The following EPHA4 variants were observed in gnomAD, a reference collection of about 807,000 sequenced individuals.
EPHA4 encodes ephrin type-A receptor 4.
Under a neutral mutation model 108.3 loss-of-function variants are expected in EPHA4, and 19 were observed. The ratio of observed to expected loss-of-function variants is 0.18; its 90% CI spans 0.12 to 0.26. The LOEUF (loss-of-function observed/expected upper bound fraction) is 0.26, where lower values mean the gene tolerates loss of function less well. EPHA4 is among the 10% of genes least tolerant of loss of function. EPHA4 has a pLI of 1.00. For synonymous variants in EPHA4, 449 were observed against 455.5 expected (o/e 0.99, Z 0.18); for missense variants, 917 against 1,254.0 (o/e 0.73, Z 4.06).
At chr2:221,572,312 G>T, upstream of EPHA4, 2 of 1,445,534 alleles carry the variant, frequency 1.4e-6, no homozygotes, top group Non-Finnish European at 9.7e-7. Context: ...CTTAAGTTAG[G>T]AGAGCAGCGG....
At chr2:221,516,529 A>G (rs756020211) in intron 3 of EPHA4, among the ~76,000 whole-genome samples, 3 of 151,896 alleles carry the variant, frequency 2.0e-5, no homozygotes, top group Non-Finnish European at 2.9e-5. Flanking sequence ...TAATATTTGT[A>G]TTTTTAGTAG....
chr2:221,474,169 T>A (rs1186906571), intron 5 of EPHA4, among the ~76,000 whole-genome samples: 1 of 152,206 alleles, frequency 6.6e-6, no homozygotes, highest in African/African-American at 2.4e-5. Context: ...AAAAGTTGGA[T>A]AATTTAGTAG....
chr2:221,437,670 G>C (rs183009120), intron 11 of EPHA4, among the ~76,000 whole-genome samples: 1 of 151,602 alleles, frequency 6.6e-6, no homozygotes, highest in Non-Finnish European at 1.5e-5. Flanking sequence ...TCAGCACTTT[G>C]GGAGGCCAAG....
intron 8 of EPHA4, among the ~76,000 whole-genome samples, chr2:221,448,243 G>A (rs1574571483): frequency 6.8e-6 from 1 of 146,804 alleles, no homozygotes; most frequent in Non-Finnish European, 1.5e-5. Context: ...GAGCTGGGGT[G>A]GGGTGGGGGG....
intron 3 of EPHA4, among the ~76,000 whole-genome samples, chr2:221,518,073 A>G (rs1176046175): frequency 6.6e-6 from 1 of 152,216 alleles, no homozygotes; most frequent in Non-Finnish European, 1.5e-5. Context: ...TGAGGTCTTT[A>G]CTTTCCTGTT....
In EPHA4 at chr2:221,426,027, C is replaced by T; in HGVS notation, c.*1G>A. On this transcript the variant is annotated 3_prime_UTR_variant, in exon 17 of 18. Coordinates refer to ENST00000281821, the MANE Select transcript of EPHA4 (RefSeq NM_004438.5). The stretch of plus-strand genomic sequence containing the variant: ...GAGTTTTGAGTTTATTCAGTACTGG[C>T]TCAGACGGGAACCATTCTGCCGTGC... 1 of 1,613,670 alleles carries T rather than the reference C, an allele frequency of 6.2e-7. No homozygotes were observed. Among genetic ancestry groups the T allele is most frequent in the Non-Finnish European group, 8.5e-7 (1 of 1,179,660 alleles).
intron 3 of EPHA4, among the ~76,000 whole-genome samples, chr2:221,520,091 A>T (rs1161650394): frequency 6.6e-6 from 1 of 152,080 alleles, no homozygotes; most frequent in Non-Finnish European, 1.5e-5. Flanking sequence ...GTTCATGCTG[A>T]TCATGTCATT....
chr2:221,555,126 G>T (rs1386323119), intron 3 of EPHA4, among the ~76,000 whole-genome samples: 1 of 152,130 alleles, frequency 6.6e-6, no homozygotes, highest in Non-Finnish European at 1.5e-5. Flanking sequence ...GGGTTATTTT[G>T]CATGGGGCAG....
At chr2:221,543,517 G>A (rs997309221) in intron 3 of EPHA4, among the ~76,000 whole-genome samples, 5 of 152,056 alleles carry the variant, frequency 3.3e-5, no homozygotes, top group African/African-American at 9.7e-5. Context: ...ATTAATTTGC[G>A]ATTTTTTACT....
chr2:221,540,677 T>A (rs1240655778), intron 3 of EPHA4, among the ~76,000 whole-genome samples: 1 of 152,234 alleles, frequency 6.6e-6, no homozygotes, highest in Admixed American at 6.5e-5. Flanking sequence ...TGCAACTGGA[T>A]AACCAGCCAG....
intron 5 of EPHA4, among the ~76,000 whole-genome samples, chr2:221,462,633 G>A (rs1691183802): frequency 6.6e-6 from 1 of 152,152 alleles, no homozygotes; most frequent in Non-Finnish European, 1.5e-5. Flanking sequence ...CTGTTTCAAA[G>A]GACCTTTTGT....
intron 3 of EPHA4, among the ~76,000 whole-genome samples, chr2:221,541,648 C>G (rs1693842892): frequency 1.3e-5 from 2 of 152,170 alleles, no homozygotes; most frequent in South Asian, 4.1e-4. Flanking sequence ...CAATCTAAAA[C>G]AGCAAATGAA....
At chr2:221,498,790 CTTTTTTTTTTTTT>C (rs757231773) in intron 4 of EPHA4, among the ~76,000 whole-genome samples, 2 of 135,686 alleles carry the variant, frequency 1.5e-5, no homozygotes, top group Non-Finnish European at 3.2e-5. Context: ...TTTTTTTTTT[CTTTTTTTTTTTTT>C]TTTTGAGACG....
chr2:221,568,882 G>A (rs556794008), intron 1 of EPHA4, 97 bp from the exon 2 acceptor site: 4 of 963,700 alleles, frequency 4.2e-6, no homozygotes, highest in Non-Finnish European at 6.3e-6. Flanking sequence ...TGCTGAGGCT[G>A]TGCATATCCA....
chr2:221,488,987 T>TA (rs1468268029), intron 4 of EPHA4, among the ~76,000 whole-genome samples: 1 of 152,218 alleles, frequency 6.6e-6, no homozygotes, highest in Non-Finnish European at 1.5e-5. Flanking sequence ...GTAGCCCCTT[T>TA]AGGACAAGCC....
At chr2:221,545,468 T>C (rs2680855) in intron 3 of EPHA4, among the ~76,000 whole-genome samples, 92,942 of 151,312 alleles carry the variant, frequency 0.61, 29,818 homozygotes, top group African/African-American at 0.82. Context: ...GACTCCATCT[T>C]AAAAAAAACA....
chr2:221,482,028 C>T (rs1691835948), intron 5 of EPHA4, among the ~76,000 whole-genome samples: 1 of 152,128 alleles, frequency 6.6e-6, no homozygotes, highest in East Asian at 1.9e-4. Flanking sequence ...CCTGAGCCTC[C>T]TGAGTAGCTG....
At chr2:221,471,581 A>C (rs1691488990) in intron 5 of EPHA4, among the ~76,000 whole-genome samples, 1 of 151,344 alleles carries the variant, frequency 6.6e-6, no homozygotes, top group Non-Finnish European at 1.5e-5. Context: ...ACCCTCCAAC[A>C]AACACGTACA....
intron 4 of EPHA4, among the ~76,000 whole-genome samples, chr2:221,489,770 A>G (rs190524402): frequency 1.3e-5 from 2 of 152,304 alleles, no homozygotes; most frequent in Admixed American, 1.3e-4. Flanking sequence ...TAGAAACTCA[A>G]TAAATATCTG....
Sources: allele counts gnomAD v4.1 joint callset (sites outside exome capture counted in the v4.1 genomes callset), GRCh38; gene constraint gnomAD v4.1.1; transcripts MANE v1.5; gene names NCBI Gene and HGNC (gene_info 2026-07-23, HGNC 2026-07-21).